Variants in TAFA5 observed in about 807,000 individuals in gnomAD.
TAFA5 encodes the protein TAFA chemokine like family member 5.
TAFA5 carries 6 observed loss-of-function variants against 15.3 expected under a neutral mutation model. The ratio of observed to expected loss-of-function variants is 0.39; its 90% confidence interval spans 0.21 to 0.77. TAFA5 has a LOEUF of 0.77. Ranked by LOEUF, TAFA5 falls within the 30% of genes least tolerant of loss-of-function variation. The pLI is 0.41. For synonymous variants in TAFA5, 103 were observed against 80.7 expected, an observed-to-expected ratio of 1.28 and a Z score of -1.48; for missense variants, 161 against 193.1, an observed-to-expected ratio of 0.83 and a Z score of 0.98.
intron 2 of TAFA5, among the ~76,000 whole-genome samples, chr22:48,651,725 G>A (rs1927061258): frequency 2.0e-5 from 3 of 152,196 alleles, no homozygotes; most frequent in Non-Finnish European, 4.4e-5. Context: ...GAGTCCAGGT[G>A]TGAAGAAGAA....
intron 2 of TAFA5, among the ~76,000 whole-genome samples, chr22:48,686,540 AT>A (rs1284597651): frequency 6.6e-6 from 1 of 152,240 alleles, no homozygotes; most frequent in Non-Finnish European, 1.5e-5. Flanking sequence ...AGATCTAAAC[AT>A]CATAATTGCA....
chr22:48,631,942 C>T (rs1172166857), intron 1 of TAFA5, among the ~76,000 whole-genome samples: 1 of 152,184 alleles, frequency 6.6e-6, no homozygotes, highest in Non-Finnish European at 1.5e-5. Context: ...ACATGCGTGC[C>T]CACCTCCCAG....
intron 3 of TAFA5, among the ~76,000 whole-genome samples, chr22:48,715,181 C>A (rs1929365562): frequency 6.6e-6 from 1 of 152,246 alleles, no homozygotes. Context: ...AGATCAGAAC[C>A]CATGGGTGCC....
intron 1 of TAFA5, among the ~76,000 whole-genome samples, chr22:48,500,204 C>T (rs970423494): frequency 1.9e-4 from 29 of 152,060 alleles, no homozygotes; most frequent in Non-Finnish European, 2.9e-5. Context: ...TCTGTATCAG[C>T]GATCCCAGCC....
intron 1 of TAFA5, among the ~76,000 whole-genome samples, chr22:48,505,557 G>A (rs901655346): frequency 6.6e-6 from 1 of 152,242 alleles, no homozygotes; most frequent in Non-Finnish European, 1.5e-5. Context: ...AAGGGGGGCT[G>A]TGGAGCTGCA....
intron 1 of TAFA5, among the ~76,000 whole-genome samples, chr22:48,517,559 A>G (rs940997278): frequency 6.6e-6 from 1 of 151,644 alleles, no homozygotes; most frequent in Non-Finnish European, 1.5e-5. Flanking sequence ...AGCCCATGCT[A>G]CTCTCCACTG....
chr22:48,709,515 C>T (rs1929187207), intron 3 of TAFA5, among the ~76,000 whole-genome samples: 1 of 152,208 alleles, frequency 6.6e-6, no homozygotes, highest in Admixed American at 6.5e-5. Flanking sequence ...TCGTTTCCCT[C>T]ATAGAAGCTT....
At chr22:48,497,952 A>G (rs189963040) in intron 1 of TAFA5, among the ~76,000 whole-genome samples, 84 of 21,070 alleles carry the variant, frequency 4.0e-3, no homozygotes, top group African/African-American at 0.013. Context: ...GGGGCTGAAG[A>G]GTGGGGTGGG....
intron 1 of TAFA5, among the ~76,000 whole-genome samples, chr22:48,537,508 G>C (rs549164169): frequency 1.3e-5 from 2 of 152,374 alleles, no homozygotes; most frequent in South Asian, 4.1e-4. Flanking sequence ...TACTGACTCA[G>C]CATGCGGCCC....
At position 48,702,756 on chromosome 22, in the gene TAFA5, C is replaced by T. The variant is rs184715223; in HGVS notation, c.263-4961C>T. ...CGACCAGAGGGGAGGCCTCCTCACC[C>T]GAGCCCGGGGAAAGGGAGTTGTGAA... On this transcript the variant is annotated intron_variant, in intron 2 of 3. Coordinates refer to ENST00000402357, the MANE Select transcript of TAFA5 (RefSeq NM_001082967.3). 3.1e-3 allele frequency among the ~76,000 whole-genome samples: 469 copies of T among 152,344 alleles called. 1 individual carries two copies. The highest frequency in any genetic ancestry group is 6.7e-3 in the Admixed American group (102 of 15,306).
chr22:48,495,306 C>G (rs762637665), intron 1 of TAFA5, among the ~76,000 whole-genome samples: 1 of 152,152 alleles, frequency 6.6e-6, no homozygotes, highest in African/African-American at 2.4e-5. Context: ...CGCCAAGCCC[C>G]GGGGGCAGAG....
intron 1 of TAFA5, among the ~76,000 whole-genome samples, chr22:48,528,406 AGGCACCCCTGGAAG>A (rs1921854356): frequency 1.3e-5 from 2 of 152,044 alleles, no homozygotes; most frequent in Admixed American, 1.3e-4. Context: ...CATAGTGAGG[AGGCACCCCTGGAAG>A]GGCAGCCCCT....
At chr22:48,542,039 G>A (rs1404335078) in intron 1 of TAFA5, among the ~76,000 whole-genome samples, 1 of 152,142 alleles carries the variant, frequency 6.6e-6, no homozygotes, top group Non-Finnish European at 1.5e-5. Context: ...GTTCAGATTG[G>A]AGGGGCCGGG....
At chr22:48,507,313 G>A (rs536625894) in intron 1 of TAFA5, among the ~76,000 whole-genome samples, 3 of 152,290 alleles carry the variant, frequency 2.0e-5, no homozygotes, top group East Asian at 3.9e-4. Flanking sequence ...AGGAGTGGCC[G>A]GCCGGTCAGG....
chr22:48,719,210 C>T (rs192933632), intron 3 of TAFA5, among the ~76,000 whole-genome samples: 6 of 152,352 alleles, frequency 3.9e-5, no homozygotes, highest in Admixed American at 3.3e-4. Context: ...TCACCTTCCC[C>T]GTCCTTCTGG....
At chr22:48,744,189 A>G (rs1034122866) in intron 3 of TAFA5, among the ~76,000 whole-genome samples, 1 of 152,024 alleles carries the variant, frequency 6.6e-6, no homozygotes, top group Admixed American at 6.6e-5. Context: ...TGCTGGCTCC[A>G]TGATGGCCCT....
At chr22:48,624,529 A>C (rs868440984) in intron 1 of TAFA5, among the ~76,000 whole-genome samples, 1 of 152,176 alleles carries the variant, frequency 6.6e-6, no homozygotes, top group Non-Finnish European at 1.5e-5. Context: ...ACTGTTTATC[A>C]GTGTGGACTG....
At chr22:48,721,641 A>G (rs1314888420) in intron 3 of TAFA5, among the ~76,000 whole-genome samples, 2 of 152,362 alleles carry the variant, frequency 1.3e-5, no homozygotes, top group Non-Finnish European at 2.9e-5. Flanking sequence ...GTAAAGGACA[A>G]AGATGAACTT....
rs1930498514 is a variant in TAFA5 at position 48,751,595 on chromosome 22, A to G, written c.*1748A>G. On this transcript the variant is annotated 3_prime_UTR_variant, in exon 4 of 4. Transcript: ENST00000402357. ...GACCTGTTCCGGTATCCATGAGGACATAATTTACCTTTCAGTCACCACAAA... is the reference window on the plus strand; with the variant it reads ...GACCTGTTCCGGTATCCATGAGGACGTAATTTACCTTTCAGTCACCACAAA... 1 of 152,426 alleles carries G rather than the reference A, an allele frequency of 6.6e-6. No homozygotes were observed. Among genetic ancestry groups the G allele is most frequent in the South Asian group, 2.1e-4 (1 of 4,836 alleles). The allele number at this position is 152,426 out of a possible 1,614,324, so 9.4% of individuals were successfully genotyped here.
Sources: allele counts gnomAD v4.1 joint callset (sites outside exome capture counted in the v4.1 genomes callset), GRCh38; gene constraint gnomAD v4.1.1; transcripts MANE v1.5; gene names NCBI Gene and HGNC (gene_info 2026-07-23, HGNC 2026-07-21).